Variants in SHANK2 observed in about 807,000 individuals in gnomAD.
SHANK2 encodes SH3 and multiple ankyrin repeat domains 2, also known as SH3 and multiple ankyrin repeat domains protein 2.
In SHANK2, 43 loss-of-function variants were observed where a neutral mutation model predicts 133.7. The observed-to-expected ratio is 0.32, with a 90% confidence interval of 0.25 to 0.41. The LOEUF is 0.41. SHANK2 is among the 10% of genes least tolerant of loss of function. SHANK2 has a pLI of 1.00. For missense variants in SHANK2, 1,994 were observed against 2,235.8 expected (o/e 0.89, Z 2.18); for synonymous variants, 1,017 against 952.8 (o/e 1.07, Z -1.24).
chr11:70,845,198 CAA>C (rs782471301), intron 11 of SHANK2, among the ~76,000 whole-genome samples: 26 of 51,678 alleles, frequency 5.0e-4, no homozygotes, highest in African/African-American at 1.7e-3. Flanking sequence ...GACTCTGTCT[CAA>C]AAAAAAAAAA....
chr11:70,481,269 T>C (rs1483017781), intron 25 of SHANK2, among the ~76,000 whole-genome samples: 1 of 152,252 alleles, frequency 6.6e-6, no homozygotes, highest in African/African-American at 2.4e-5. Context: ...CGTCGGCGTA[T>C]TTGTAATTAA....
Position 71,250,277 on chromosome 11 carries a change from G to A in SHANK2, c.-113+2148C>T, listed in dbSNP as rs114122786. On this transcript the variant is annotated intron_variant, in intron 1 of 25. Transcript: ENST00000601538. ...CCAAAGGGACCCAAAGAAGCACCAA[G>A]CTTTCCACCCAATTCTTCCTTCCAG... Among the ~76,000 whole-genome samples the A allele has an allele frequency of 2.3e-3, 355 of 152,302 alleles. 3 individuals carry two copies. The highest frequency in any genetic ancestry group is 8.0e-3 in the African/African-American group (331 of 41,558).
chr11:71,167,295 C>T (rs10897690), intron 2 of SHANK2, among the ~76,000 whole-genome samples: 39,712 of 151,936 alleles, frequency 0.26, 5,720 homozygotes, highest in South Asian at 0.36. Flanking sequence ...TCTCAATGAG[C>T]TGTTGGGTAC....
In SHANK2 at chr11:71,126,166, C is replaced by T. The variant is rs537207918; in HGVS notation, c.208-7134G>A. Among the ~76,000 whole-genome samples, 5 of 122,434 alleles carry T rather than the reference C, an allele frequency of 4.1e-5. No homozygotes were observed. The South Asian group carries it at 8.1e-4, about 20-fold the overall frequency. 80.3% of individuals were successfully genotyped at this position (122,434 alleles called of 152,430 possible). ...CCAGGAACAGGATGTTGCAGTGAGC[C>T]GAGATCATGCCACTGCACTCCAGCC... On this transcript the variant is annotated intron_variant, in intron 3 of 25. Coordinates refer to ENST00000601538, the MANE Select transcript of SHANK2 (RefSeq NM_012309.5).
chr11:70,738,843 C>T (rs1269910064), intron 14 of SHANK2, among the ~76,000 whole-genome samples: 2 of 152,236 alleles, frequency 1.3e-5, no homozygotes, highest in Non-Finnish European at 2.9e-5. Flanking sequence ...CGGCCTCCAG[C>T]CACGTCCATG....
intron 10 of SHANK2, among the ~76,000 whole-genome samples, chr11:70,914,401 C>T (rs1950238817): frequency 6.6e-6 from 1 of 152,178 alleles, no homozygotes; most frequent in Middle Eastern, 3.4e-3. Context: ...TCACACCACA[C>T]CTCCCACCTG....
intron 10 of SHANK2, among the ~76,000 whole-genome samples, chr11:70,919,363 T>C (rs1207409080): frequency 5.5e-5 from 8 of 145,964 alleles, no homozygotes; most frequent in African/African-American, 2.0e-4. Flanking sequence ...ATCTCAGAAC[T>C]TACTACTTCT....
rs76195945 is a variant in SHANK2, at chr11:70,520,542, T to C, written c.2062-17611A>G. Among the ~76,000 whole-genome samples the C allele has an allele frequency of 3.6e-3, 556 of 152,334 alleles. 10 individuals carry two copies. Among genetic ancestry groups the C allele is most frequent in the African/African-American group, 0.013 (536 of 41,574 alleles). On this transcript the variant is annotated intron_variant, in intron 17 of 25. Coordinates refer to ENST00000601538, the MANE Select transcript of SHANK2 (RefSeq NM_012309.5). ...CACCAAGACTTTTCGCTGTTGGTGC[T>C]GGCCCTGCTCGCCTGGCCAAGGGAG...
rs1555094335 is a variant in SHANK2 at position 71,092,604 on chromosome 11, T to C, written c.745-15A>G. 1 of 1,548,146 alleles carries C rather than the reference T, an allele frequency of 6.5e-7. No homozygotes were observed. Among genetic ancestry groups the C allele is most frequent in the South Asian group, 1.2e-5 (1 of 83,990 alleles). On this transcript the variant is annotated splice_polypyrimidine_tract_variant and intron_variant, in intron 7 of 25. Coordinates refer to ENST00000601538, the MANE Select transcript of SHANK2 (RefSeq NM_012309.5). The stretch of plus-strand genomic sequence containing the variant: ...TCTAAAAGGGTCTAGGAAAAAAAAA[T>C]TGAAAGCCGTCGTTATTGGTCTCAT...
intron 14 of SHANK2, among the ~76,000 whole-genome samples, chr11:70,735,560 TG>T (rs1460040056): frequency 6.6e-6 from 1 of 152,046 alleles, no homozygotes; most frequent in Non-Finnish European, 1.5e-5. Flanking sequence ...AAGAAATAGC[TG>T]GGCGTGGTGG....
intron 17 of SHANK2, among the ~76,000 whole-genome samples, chr11:70,599,022 T>G (rs538138165): frequency 6.7e-6 from 1 of 150,244 alleles, no homozygotes; most frequent in African/African-American, 2.4e-5. Flanking sequence ...CTATTCCCAC[T>G]TCTATTCAGC....
intron 11 of SHANK2, among the ~76,000 whole-genome samples, chr11:70,879,553 C>T (rs79295328): frequency 0.03 from 4,502 of 152,260 alleles, 233 homozygotes; most frequent in African/African-American, 0.1. Context: ...TTGGAACCCT[C>T]GTCCCTCTGG....
chr11:70,754,773 G>A (rs1006540029), intron 14 of SHANK2, among the ~76,000 whole-genome samples: 2 of 152,156 alleles, frequency 1.3e-5, no homozygotes, highest in Admixed American at 1.3e-4. Flanking sequence ...GGAGGACAAG[G>A]ATGAAAAGTC....
At chr11:71,231,545 T>C (rs1378544014) in intron 1 of SHANK2, among the ~76,000 whole-genome samples, 1 of 152,174 alleles carries the variant, frequency 6.6e-6, no homozygotes, top group Non-Finnish European at 1.5e-5. Flanking sequence ...GTAACTCCCA[T>C]GTGACCCAAA....
chr11:70,781,560 A>ATT lies in SHANK2; in HGVS notation c.1777+16882_1777+16883insAA, dbSNP rs1426614936. 1.2e-3 allele frequency among the ~76,000 whole-genome samples: 107 copies of ATT among 91,662 alleles called. 2 individuals are homozygous for ATT. The highest frequency in any genetic ancestry group is 9.7e-3 in the South Asian group (29 of 2,998). The allele number at this position is 91,662 out of a possible 152,430, so 60.1% of individuals were successfully genotyped here. ...GCAGCTTGCAATTTACTTACTTATT[A>ATT]TATATATATATATATATATATATTT... On this transcript the variant is annotated intron_variant, in intron 14 of 25. Coordinates refer to ENST00000601538, the MANE Select transcript of SHANK2 (RefSeq NM_012309.5).
intron 10 of SHANK2, chr11:70,907,768 C>A: frequency 3.0e-6 from 1 of 331,506 alleles, no homozygotes; most frequent in Non-Finnish European, 6.1e-6. Flanking sequence ...AATATTTTAT[C>A]AAGACACATC....
At chr11:71,247,233 TAA>T (rs1420676616) in intron 1 of SHANK2, among the ~76,000 whole-genome samples, 1 of 152,144 alleles carries the variant, frequency 6.6e-6, no homozygotes, top group Non-Finnish European at 1.5e-5. Context: ...TCACAGTGGG[TAA>T]AGAGTCAGGC....
In SHANK2 at chr11:71,175,565, A is replaced by C. The variant is rs1472258845; in HGVS notation, c.-12-28227T>G. ...GAGAGGGAGAGGGAGAGAGAGAGAG[A>C]GAGAGAGAGAGAGAGAGAGAGAGAG... On this transcript the variant is annotated intron_variant, in intron 2 of 25. Transcript: ENST00000601538. The surrounding 1 kb of genome is among the most constrained non-coding windows in gnomAD (Gnocchi z 4.2). Among the ~76,000 whole-genome samples, 1 of 121,924 alleles carries C rather than the reference A, an allele frequency of 8.2e-6. No individual in the cohort carries two copies. The highest frequency in any genetic ancestry group is 1.8e-5 in the Non-Finnish European group (1 of 54,898). 80.0% of individuals were successfully genotyped at this position (121,924 alleles called of 152,430 possible).
Position 71,147,299 on chromosome 11 carries a change from C to T in SHANK2, c.28G>A (p.Asp10Asn), listed in dbSNP as rs1555106917. The change falls in exon 3 of 26, where the codon GAC (aspartate) becomes AAC (asparagine). Residue 10 changes from aspartate to asparagine, a missense_variant. Physicochemically the swap from Asp to Asn is conservative, Grantham distance 23. This residue lies in a region of SHANK2 where 653 missense variants were observed against 563.4 expected (regional missense o/e 1.16). Coordinates refer to ENST00000601538, the MANE Select transcript of SHANK2 (RefSeq NM_012309.5). ...TCGGAGAAGCTCTGGGCCATCTCGTCCTCGCTGGATGTTGGGCTGCGCGGC... is the reference window on the plus strand; with the variant it reads ...TCGGAGAAGCTCTGGGCCATCTCGTTCTCGCTGGATGTTGGGCTGCGCGGC... MPRSPTSSE[D>N]EMAQSFSDYS... 3 of 1,550,996 alleles carry T rather than the reference C, an allele frequency of 1.9e-6. No individual in the cohort carries two copies. The Admixed American group carries it at 5.9e-5, about 30-fold the overall frequency.
Sources: gnomAD v4.1 joint callset for allele counts (sites outside exome capture counted in the v4.1 genomes callset) on GRCh38, gnomAD v4.1.1 for gene constraint, gnomAD v4.1.1 regional missense constraint, Gnocchi (gnomAD v3.1) non-coding constraint, MANE v1.5 for transcripts, NCBI Gene and HGNC (gene_info 2026-07-23, HGNC 2026-07-21) for gene names.